The following PLA2G4C variants were observed in gnomAD, a reference collection of about 807,000 sequenced individuals.
PLA2G4C encodes the protein cytosolic phospholipase A2 gamma.
A neutral mutation model predicts 73.8 loss-of-function variants in PLA2G4C; 64 were observed. The ratio of observed to expected loss-of-function variants is 0.87; its 90% CI spans 0.71 to 1.07. The LOEUF (loss-of-function observed/expected upper bound fraction) is 1.07. Ranked by LOEUF, PLA2G4C falls within the 50% of genes least tolerant of loss-of-function variation. The pLI, the probability that PLA2G4C is intolerant of heterozygous loss-of-function variation, is 0.00. For missense variants in PLA2G4C, 622 were observed against 665.4 expected (o/e 0.93, Z 0.72); for synonymous variants, 254 against 252.1 (o/e 1.01, Z -0.07).
intron 16 of PLA2G4C, among the ~76,000 whole-genome samples, chr19:48,049,667 G>C (rs1967648288): frequency 6.6e-6 from 1 of 152,192 alleles, no homozygotes; most frequent in Non-Finnish European, 1.5e-5. Context: ...TGTGGTTCCT[G>C]ACCCCACACT....
At position 48,053,160 on chromosome 19, in the gene PLA2G4C, C is replaced by G. The variant is rs11564653; in HGVS notation, c.1430-13G>C. The G allele has an allele frequency of 9.3e-3, 14,423 of 1,552,660 alleles. 91 individuals carry two copies. The highest frequency in any genetic ancestry group is 0.023 in the Admixed American group (1,252 of 54,232). On this transcript the variant is annotated splice_polypyrimidine_tract_variant and intron_variant, in intron 15 of 16. Coordinates refer to ENST00000599921, the MANE Select transcript of PLA2G4C (RefSeq NM_003706.3). Reference sequence around the variant, plus strand: ...GCCTCAATATCACCTGAAGCATAACCAAACCAACAAAGAAAAGGCATCATG... The same window carrying G: ...GCCTCAATATCACCTGAAGCATAACGAAACCAACAAAGAAAAGGCATCATG...
At chr19:48,083,399 T>C (rs1445969760) in intron 10 of PLA2G4C, among the ~76,000 whole-genome samples, 2 of 142,578 alleles carry the variant, frequency 1.4e-5, no homozygotes, top group Non-Finnish European at 3.0e-5. Context: ...TTTCTTTTTT[T>C]TTTTTTTTTT....
intron 1 of PLA2G4C, among the ~76,000 whole-genome samples, chr19:48,109,362 C>T (rs1270806442): frequency 6.6e-6 from 1 of 151,530 alleles, no homozygotes; most frequent in African/African-American, 2.4e-5. Flanking sequence ...GCCTCAGCCT[C>T]CTGGGCTCAA....
At chr19:48,063,573 C>A (rs1346377233) in intron 13 of PLA2G4C, among the ~76,000 whole-genome samples, 2 of 127,276 alleles carry the variant, frequency 1.6e-5, no homozygotes, top group Admixed American at 8.3e-5. Context: ...CCATCCCTCC[C>A]GTCCCCCCGC....
intron 7 of PLA2G4C, 26 bp downstream of exon 7, chr19:48,095,438 T>A: frequency 1.2e-6 from 2 of 1,609,970 alleles, no homozygotes; most frequent in Non-Finnish European, 8.5e-7. Context: ...CACCCCCTTT[T>A]AATCCCCTCT....
chr19:48,050,626 T>C (rs1338368893), intron 16 of PLA2G4C, among the ~76,000 whole-genome samples: 1 of 146,946 alleles, frequency 6.8e-6, no homozygotes, highest in Admixed American at 7.0e-5. Flanking sequence ...GAATAATGTC[T>C]CCTAATGATG....
intron 16 of PLA2G4C, among the ~76,000 whole-genome samples, chr19:48,052,641 C>T (rs905181148): frequency 1.3e-5 from 2 of 152,142 alleles, no homozygotes; most frequent in Non-Finnish European, 2.9e-5. Context: ...CGGAGACAAG[C>T]GTGGAACAAA....
At chr19:48,055,537 A>C (rs1398300044) in intron 14 of PLA2G4C, among the ~76,000 whole-genome samples, 1 of 151,960 alleles carries the variant, frequency 6.6e-6, no homozygotes, top group Non-Finnish European at 1.5e-5. Context: ...TCACCTCTGC[A>C]AAGGATCTCT....
chr19:48,065,232 C>A (rs1013367402), intron 13 of PLA2G4C, among the ~76,000 whole-genome samples: 5 of 122,660 alleles, frequency 4.1e-5, no homozygotes, highest in African/African-American at 6.4e-5. Flanking sequence ...AAAGGTGAGA[C>A]GACTTGAAGT....
rs115825814 is a variant in PLA2G4C, at chr19:48,062,347, A to C, written c.1103-195T>G. 1,234 of 489,338 alleles carry C rather than the reference A, an allele frequency of 2.5e-3. 14 individuals carry two copies. Among genetic ancestry groups the C allele is most frequent in the African/African-American group, 0.023 (1,153 of 49,482 alleles). 30.3% of individuals were successfully genotyped at this position (489,338 alleles called of 1,614,324 possible). ...AAGCCCTGGCTGGGTGCGGTGCCTCACACCTGAAATCCCAGCACTTTGGGG... is the reference window on the plus strand; with the variant it reads ...AAGCCCTGGCTGGGTGCGGTGCCTCCCACCTGAAATCCCAGCACTTTGGGG... On this transcript the variant is annotated intron_variant, in intron 13 of 16. Transcript: ENST00000599921.
rs578099260 is a variant in PLA2G4C at position 48,060,536 on chromosome 19, T to C, written c.1257+1462A>G. Among the ~76,000 whole-genome samples the C allele has an allele frequency of 6.6e-5, 10 of 152,302 alleles. No homozygotes were observed. In the South Asian group the frequency reaches 2.1e-3, roughly 32 times the overall value. ...AACACCAGCTATGGACCAGGCATGG[T>C]GCAGAGACTCTGCAGATCTCCTGCG... On this transcript the variant is annotated intron_variant, in intron 14 of 16. Coordinates refer to ENST00000599921, the MANE Select transcript of PLA2G4C (RefSeq NM_003706.3).
chr19:48,107,575 C>G (rs1218935879), intron 1 of PLA2G4C, among the ~76,000 whole-genome samples: 1 of 152,096 alleles, frequency 6.6e-6, no homozygotes, highest in Admixed American at 6.5e-5. Context: ...CTTGGTCTAG[C>G]GGTTGCGTCA....
intron 7 of PLA2G4C, among the ~76,000 whole-genome samples, chr19:48,090,984 T>G (rs1375701164): frequency 6.8e-6 from 1 of 147,878 alleles, no homozygotes; most frequent in Non-Finnish European, 1.5e-5. Context: ...GCAGCTTGAG[T>G]GACAGAGAGA....
chr19:48,110,036 G>T (rs1198527240), intron 1 of PLA2G4C, among the ~76,000 whole-genome samples: 4 of 149,814 alleles, frequency 2.7e-5, no homozygotes, highest in Non-Finnish European at 5.9e-5. Context: ...TGGACTTCTA[G>T]CTTCCAGAAG....
At chr19:48,078,397 T>C (rs11564594) in intron 10 of PLA2G4C, among the ~76,000 whole-genome samples, 3,085 of 152,080 alleles carry the variant, frequency 0.02, 108 homozygotes, top group African/African-American at 0.069. Context: ...AAATGAAGGG[T>C]ATCCAAACCA....
At chr19:48,057,786 G>A (rs536582234) in intron 14 of PLA2G4C, among the ~76,000 whole-genome samples, 23 of 149,394 alleles carry the variant, frequency 1.5e-4, no homozygotes, top group South Asian at 1.5e-3. Context: ...CACCGCACCC[G>A]GCTTCTTCTT....
chr19:48,103,015 C>A (rs1020192791), intron 4 of PLA2G4C, among the ~76,000 whole-genome samples: 2 of 152,154 alleles, frequency 1.3e-5, no homozygotes, highest in Non-Finnish European at 2.9e-5. Flanking sequence ...GGAACTAACC[C>A]AAAGCTGTTG....
intron 9 of PLA2G4C, among the ~76,000 whole-genome samples, chr19:48,087,395 C>A (rs1568442805): frequency 6.6e-6 from 1 of 152,176 alleles, no homozygotes; most frequent in Non-Finnish European, 1.5e-5. Context: ...CTATAGACAG[C>A]CTTTCTGGAA....
chr19:48,105,404 T>C lies in PLA2G4C; in HGVS notation c.49A>G (p.Lys17Glu). Residue 17 changes from lysine (K) to glutamate (E), a missense_variant, in exon 3 of 17, where the codon AAG (lysine) becomes GAG (glutamate). Physicochemically the swap from Lys to Glu is moderately conservative, Grantham distance 56. Coordinates refer to ENST00000599921, the MANE Select transcript of PLA2G4C (RefSeq NM_003706.3). The stretch of plus-strand genomic sequence containing the variant: ...AGTCTTCGTCTCTCCACGGCCGCCT[T>C]TTCTTCTTTCTGGAGCCCAGGAATT... ...SIIPGLQKEEKAAVERRRLHV... is the reference protein window; with the variant it reads ...SIIPGLQKEEEAAVERRRLHV... The C allele has an allele frequency of 6.2e-7, 1 of 1,613,938 alleles. No homozygotes were observed. Among genetic ancestry groups the C allele is most frequent in the Non-Finnish European group, 8.5e-7 (1 of 1,179,922 alleles).
Sources: gnomAD v4.1 joint callset for allele counts (sites outside exome capture counted in the v4.1 genomes callset) on GRCh38, gnomAD v4.1.1 for gene constraint, MANE v1.5 for transcripts, NCBI Gene and HGNC (gene_info 2026-07-23, HGNC 2026-07-21) for gene names.